FAR1: variants seen among roughly 807,000 people sequenced by gnomAD.
FAR1 encodes the protein fatty acyl-CoA reductase 1.
A neutral mutation model predicts 61.1 loss-of-function variants in FAR1; 22 were observed. The ratio of observed to expected loss-of-function variants is 0.36; its 90% CI spans 0.26 to 0.51. FAR1 has a LOEUF of 0.51. Ranked by LOEUF, FAR1 falls within the 20% of genes least tolerant of loss-of-function variation. The probability of loss-of-function intolerance (pLI) is 0.95; values close to 1 mark genes in which losing one functional copy is unlikely to be tolerated. For synonymous variants in FAR1, 206 were observed against 209.7 expected (o/e 0.98, Z 0.15); for missense variants, 359 against 626.9 (o/e 0.57, Z 4.56).
intron 9 of FAR1, chr11:13,720,160 A>T (rs985348404): frequency 2.0e-5 from 3 of 151,992 alleles, no homozygotes; most frequent in African/African-American, 7.3e-5. Flanking sequence ...TGAATTACTG[A>T]TTGATGTTAG....
At chr11:13,727,022 G>A (rs1005123080) in intron 10 of FAR1, among the ~76,000 whole-genome samples, 30 of 151,816 alleles carry the variant, frequency 2.0e-4, no homozygotes, top group African/African-American at 7.3e-4. Context: ...TTTCTTTTCT[G>A]GATTTACCTA....
chr11:13,719,402 A>G (rs1848586737), intron 9 of FAR1, among the ~76,000 whole-genome samples: 1 of 152,200 alleles, frequency 6.6e-6, no homozygotes, highest in South Asian at 2.1e-4. Flanking sequence ...TTGTTCAGAA[A>G]TTTATTGAGC....
Position 13,675,186 on chromosome 11 carries a change from C to T in FAR1, c.-8+6380C>T, listed in dbSNP as rs533643091. On this transcript the variant is annotated intron_variant, in intron 1 of 11. Transcript: ENST00000354817. Reference sequence around the variant, plus strand: ...CTTGAGCATTATACTGTTCTGGGCACGAGAAATTAGATATAGTAAGCTACT... The same window carrying T: ...CTTGAGCATTATACTGTTCTGGGCATGAGAAATTAGATATAGTAAGCTACT... Among the ~76,000 whole-genome samples, 107 of 151,594 alleles carry T rather than the reference C, an allele frequency of 7.1e-4. No homozygotes were observed. The South Asian group carries it at 9.1e-3, about 13-fold the overall frequency.
intron 1 of FAR1, among the ~76,000 whole-genome samples, chr11:13,693,762 T>C (rs1197867654): frequency 2.0e-5 from 3 of 152,198 alleles, no homozygotes; most frequent in African/African-American, 4.8e-5. Context: ...TTCAGTCTTA[T>C]CTGTTTCTTC....
At chr11:13,715,142 C>T (rs1476955671) in intron 9 of FAR1, among the ~76,000 whole-genome samples, 3 of 151,974 alleles carry the variant, frequency 2.0e-5, no homozygotes, top group African/African-American at 4.8e-5. Flanking sequence ...GGTCAGAAAC[C>T]GCGGTAAGAA....
chr11:13,686,942 A>G (rs908679504), intron 1 of FAR1, among the ~76,000 whole-genome samples: 3 of 152,198 alleles, frequency 2.0e-5, no homozygotes, highest in Non-Finnish European at 4.4e-5. Flanking sequence ...CTTTTGGCCC[A>G]TGAGACCTGC....
Position 13,708,046 on chromosome 11 carries a change from C to G in FAR1, c.512C>G (p.Pro171Arg), listed in dbSNP as rs772660427. The G allele has an allele frequency of 1.3e-5, 21 of 1,601,202 alleles. No homozygotes were observed. In the Admixed American group the frequency reaches 3.5e-4, roughly 26 times the overall value. ...KHIDEVVYPP[P>R]VDPKKLIDSL... ...ATTGATGAAGTAGTCTATCCACCAC[C>G]TGTGGATCCCAAGAAGCTGATTGAT... The change falls in exon 4 of 12, where the codon CCT becomes CGT. Residue 171 changes from proline (P) to arginine (R), a missense_variant. Physicochemically the swap from Pro to Arg is moderately radical, Grantham distance 103. Coordinates refer to ENST00000354817, the MANE Select transcript of FAR1 (RefSeq NM_032228.6).
chr11:13,712,489 A>G (rs1453721676), intron 7 of FAR1, among the ~76,000 whole-genome samples: 1 of 152,022 alleles, frequency 6.6e-6, no homozygotes, highest in Non-Finnish European at 1.5e-5. Flanking sequence ...TAAACTTTAA[A>G]CTTCCCAATA....
intron 9 of FAR1, chr11:13,715,808 G>A (rs968555544): frequency 6.6e-6 from 1 of 152,026 alleles, no homozygotes; most frequent in Non-Finnish European, 1.5e-5. Flanking sequence ...CAGTGGAGTC[G>A]TTGATTGGAG....
At chr11:13,693,615 T>G (rs919964547) in intron 1 of FAR1, among the ~76,000 whole-genome samples, 2 of 152,224 alleles carry the variant, frequency 1.3e-5, no homozygotes, top group Admixed American at 6.5e-5. Context: ...TTAGTCCAGC[T>G]TTTGGATCCT....
chr11:13,712,152 C>G (rs1479255930), intron 7 of FAR1, 106 bp downstream of exon 7: 2 of 809,750 alleles, frequency 2.5e-6, no homozygotes, highest in African/African-American at 1.7e-5. Flanking sequence ...ATTGCCATAC[C>G]AATATTTAGG....
At chr11:13,695,253 ATAATT>A (rs1388566009) in intron 2 of FAR1, among the ~76,000 whole-genome samples, 2 of 152,176 alleles carry the variant, frequency 1.3e-5, no homozygotes, top group Non-Finnish European at 1.5e-5. Flanking sequence ...TAACTACTAA[ATAATT>A]TAAATAGCCT....
chr11:13,687,591 C>T (rs144713851), intron 1 of FAR1, among the ~76,000 whole-genome samples: 65 of 152,286 alleles, frequency 4.3e-4, no homozygotes, highest in African/African-American at 1.5e-3. Context: ...GTCTGAACTT[C>T]CCTTAAAAGA....
At chr11:13,671,332 A>C (rs1848001481) in intron 1 of FAR1, among the ~76,000 whole-genome samples, 1 of 152,198 alleles carries the variant, frequency 6.6e-6, no homozygotes, top group African/African-American at 2.4e-5. Flanking sequence ...AATGGTTTTT[A>C]AGGATGATTG....
rs564352574 is a variant in FAR1, at chr11:13,729,981, G to T, written c.*1207G>T. ...TGATTTTAGCTTTAGAAAGAAATGC[G>T]TTATAGAAACAAGTAATAGCAAGAA... On this transcript the variant is annotated 3_prime_UTR_variant, in exon 12 of 12. Transcript: ENST00000354817. 3.9e-5 allele frequency: 6 copies of T among 152,320 alleles called. No homozygotes were observed. The allele number at this position is 152,320 out of a possible 1,614,324, so 9.4% of individuals were successfully genotyped here.
At chr11:13,719,431 C>T (rs187211946) in intron 9 of FAR1, among the ~76,000 whole-genome samples, 1 of 152,218 alleles carries the variant, frequency 6.6e-6, no homozygotes, top group Admixed American at 6.5e-5. Flanking sequence ...AGACTTTACA[C>T]CTTATATTGG....
Position 13,714,560 on chromosome 11 carries a change from G to A in FAR1, c.1007G>A (p.Arg336Lys), listed in dbSNP as rs1015985419. 4 of 1,613,052 alleles carry A rather than the reference G, an allele frequency of 2.5e-6. No individual in the cohort carries two copies. In the African/African-American group the frequency reaches 5.3e-5, roughly 22 times the overall value. Residue 336 changes from arginine (R) to lysine (K), a missense_variant, in exon 9 of 12, where the codon AGA (arginine) becomes AAA (lysine). By Grantham distance (26) the Arg-to-Lys change is conservative (BLOSUM62 2). This residue lies in a region of FAR1 where 344 missense variants were observed against 570.3 expected (regional missense o/e 0.60). Transcript: ENST00000354817. ...AGGAATCCTCTCGAACAGGCCTTCA[G>A]ACGGCCCAATGTAAATCTAACCTCC... ...FKRNPLEQAF[R>K]RPNVNLTSNH...
chr11:13,723,794 G>T (rs547554424), intron 10 of FAR1, among the ~76,000 whole-genome samples: 50 of 152,180 alleles, frequency 3.3e-4, no homozygotes, highest in African/African-American at 1.2e-3. Context: ...GTGACAGTCT[G>T]CCAGCTGTGT....
chr11:13,673,410 T>C (rs1359182938), intron 1 of FAR1, among the ~76,000 whole-genome samples: 1 of 152,206 alleles, frequency 6.6e-6, no homozygotes, highest in Admixed American at 6.5e-5. Flanking sequence ...ATATTACAGA[T>C]GAGGAGAGTG....
Sources: gnomAD v4.1 joint callset for allele counts (sites outside exome capture counted in the v4.1 genomes callset) on GRCh38, gnomAD v4.1.1 for gene constraint, gnomAD v4.1.1 regional missense constraint, MANE v1.5 for transcripts, NCBI Gene and HGNC (gene_info 2026-07-23, HGNC 2026-07-21) for gene names.